Variants in XIST observed in about 807,000 individuals in gnomAD.
XIST encodes the protein X inactive specific transcript, also known as X inactive specific transcript (non-protein coding).
chrX:73,823,583 A>C (rs745722086), exon 6 of XIST: 7 of 555,967 alleles, frequency 1.3e-5, no homozygotes, highest in Non-Finnish European at 1.9e-5. Context: ...TTACTCCTTT[A>C]CTTCTGTAGG....
exon 1 of XIST, chrX:73,852,134 C>G (rs776889775): frequency 1.9e-6 from 1 of 529,537 alleles, no homozygotes; most frequent in Non-Finnish European, 3.3e-6. Context: ...TATCCGAAGC[C>G]CCGATGGGCC....
exon 1 of XIST, chrX:73,845,766 G>C (rs376662080): frequency 2.8e-6 from 1 of 360,957 alleles, no homozygotes; most frequent in African/African-American, 3.0e-5. Context: ...CAAATGTAAT[G>C]ATCTTATGGA....
chrX:73,846,563 G>A (rs1165880323), exon 1 of XIST: 6 of 557,184 alleles, frequency 1.1e-5, no homozygotes, highest in African/African-American at 4.5e-5. Context: ...GTGCGATTAC[G>A]CACATAAATG....
At chrX:73,828,959 C>A in intron 5 of XIST, 1 of 438,316 alleles carries the variant, frequency 2.3e-6, no homozygotes, top group South Asian at 4.2e-5. Flanking sequence ...TCACATTTAG[C>A]CCCACTTCAC....
exon 1 of XIST, chrX:73,841,600 T>G (rs1205603035): frequency 1.8e-6 from 1 of 557,237 alleles, no homozygotes; most frequent in Admixed American, 2.2e-5. Flanking sequence ...CACTAGTGGC[T>G]GGGATATTAT....
intron 5 of XIST, chrX:73,828,242 C>G (rs961900427): frequency 1.3e-5 from 4 of 298,768 alleles, no homozygotes; most frequent in Non-Finnish European, 2.3e-5. Flanking sequence ...TACATAGAAC[C>G]AAAGCATGCC....
exon 1 of XIST, chrX:73,849,664 T>C (rs762416627): frequency 3.1e-5 from 17 of 556,164 alleles, no homozygotes; most frequent in Non-Finnish European, 4.9e-5. Flanking sequence ...ATTGTATGCA[T>C]TAACTGAAAA....
exon 1 of XIST, chrX:73,851,093 T>C: frequency 1.8e-6 from 1 of 559,353 alleles, no homozygotes. Flanking sequence ...TCTTCTGCTC[T>C]AATTGGCTGT....
exon 1 of XIST, chrX:73,845,022 C>A (rs750605501): frequency 7.2e-6 from 4 of 555,617 alleles, no homozygotes; most frequent in Non-Finnish European, 1.3e-5. Flanking sequence ...GGAAGAGGGG[C>A]CTTGGTTATC....
chrX:73,850,714 G>GGGGAGGT (rs1569512869), exon 1 of XIST: 13 of 254,063 alleles, frequency 5.1e-5, no homozygotes, highest in Admixed American at 4.0e-5. Flanking sequence ...GTAGGGGGGT[G>GGGGAGGT]GGGAGGTGGG....
chrX:73,823,094 G>C, exon 6 of XIST: 1 of 552,755 alleles, frequency 1.8e-6, no homozygotes, highest in Non-Finnish European at 3.3e-6. Context: ...CTCTAAGCCA[G>C]ACCAATGAGC....
At chrX:73,850,710 G>A (rs1569512867) in exon 1 of XIST, 1 of 258,473 alleles carries the variant, frequency 3.9e-6, no homozygotes, top group African/African-American at 4.5e-5. Flanking sequence ...GGGGGTAGGG[G>A]GGTGGGGAGG....
chrX:73,845,148 T>C (rs746097443), exon 1 of XIST: 6 of 551,741 alleles, frequency 1.1e-5, no homozygotes, highest in Non-Finnish European at 1.9e-5. Context: ...TCACATACAA[T>C]TGTGCACCTT....
chrX:73,846,798 T>C (rs1195502310), exon 1 of XIST: 2 of 559,194 alleles, frequency 3.6e-6, no homozygotes, highest in South Asian at 4.4e-5. Flanking sequence ...AAAGGAAGGA[T>C]ACTGATGTAA....
exon 6 of XIST, chrX:73,824,040 C>T: frequency 1.8e-6 from 1 of 554,696 alleles, no homozygotes; most frequent in East Asian, 3.3e-5. Context: ...ATGTTTGTGC[C>T]CCCAGTTGTT....
chrX:73,825,387 C>T (rs1922226682), exon 6 of XIST: 1 of 556,790 alleles, frequency 1.8e-6, no homozygotes, highest in Non-Finnish European at 3.2e-6. Context: ...TTTGTATCCA[C>T]AACGCTTATC....
intron 3 of XIST, chrX:73,833,123 C>A (rs1922417528): frequency 4.4e-6 from 2 of 457,223 alleles, no homozygotes; most frequent in Admixed American, 3.2e-5. Flanking sequence ...CTCCCAAAGC[C>A]CTGGAATTAC....
rs756411150 is a variant in XIST at position 73,846,205 on chromosome X, A to G, written n.6519T>C. ...GCCAGGAAAAAGGGCCTTGGTGATC[A>G]GCACCCCTGCTGTACTGCAAAAGGG... On this transcript the variant is annotated non_coding_transcript_exon_variant, in exon 1 of 6. Transcript: ENST00000429829. 28 of 557,336 alleles carry G rather than the reference A, an allele frequency of 5.0e-5. No individual in the cohort carries two copies. The Admixed American group carries it at 6.2e-4, about 12-fold the overall frequency. 45.9% of individuals were successfully genotyped at this position (557,336 alleles called of 1,213,427 possible).
exon 6 of XIST, chrX:73,824,299 C>T (rs775467150): frequency 1.6e-4 from 81 of 514,400 alleles, no homozygotes; most frequent in Middle Eastern, 6.2e-4. Flanking sequence ...CATTGTTATT[C>T]AAATTTTCCT....
Sources: allele counts gnomAD v4.1 joint callset, GRCh38; gene constraint gnomAD v4.1.1; transcripts MANE v1.5; gene names NCBI Gene and HGNC (gene_info 2026-07-23, HGNC 2026-07-21).